The following SAMD12 variants were observed in gnomAD, a reference collection of about 807,000 sequenced individuals.
The protein encoded by SAMD12 is sterile alpha motif domain-containing protein 12.
In SAMD12, 9 loss-of-function variants were observed where a neutral mutation model predicts 15.0. The observed-to-expected ratio is 0.60, with a 90% CI of 0.36 to 1.05. The LOEUF (loss-of-function observed/expected upper bound fraction) is 1.05. Ranked by LOEUF, SAMD12 falls within the 50% of genes least tolerant of loss-of-function variation. The pLI is 0.01. For missense variants in SAMD12, 230 were observed against 234.2 expected (o/e 0.98, Z 0.12); for synonymous variants, 86 against 90.1 (o/e 0.96, Z 0.25).
intron 4 of SAMD12, among the ~76,000 whole-genome samples, chr8:118,277,435 G>C (rs1813501012): frequency 6.6e-6 from 1 of 152,090 alleles, no homozygotes; most frequent in African/African-American, 2.4e-5. Flanking sequence ...AGGGTTTTCT[G>C]TAAACGTCTT....
intron 2 of SAMD12, among the ~76,000 whole-genome samples, chr8:118,449,577 C>T (rs1384455459): frequency 6.6e-6 from 1 of 151,410 alleles, no homozygotes; most frequent in Admixed American, 6.6e-5. Flanking sequence ...TTTGGAAGGC[C>T]GAGGCAGGCA....
At chr8:118,421,828 G>A (rs922016819) in intron 3 of SAMD12, among the ~76,000 whole-genome samples, 3 of 152,226 alleles carry the variant, frequency 2.0e-5, no homozygotes, top group African/African-American at 4.8e-5. Context: ...AACATCCTGG[G>A]AAGAACTGCT....
intron 4 of SAMD12, among the ~76,000 whole-genome samples, chr8:118,243,134 G>C (rs1812610710): frequency 6.6e-6 from 1 of 152,152 alleles, no homozygotes; most frequent in African/African-American, 2.4e-5. Flanking sequence ...CCTTGAGCTA[G>C]ATGTACACAT....
At chr8:118,309,266 C>A (rs984663430) in intron 4 of SAMD12, among the ~76,000 whole-genome samples, 6 of 152,086 alleles carry the variant, frequency 3.9e-5, no homozygotes, top group Non-Finnish European at 7.3e-5. Flanking sequence ...TCCTGAGTTA[C>A]TTCACTTAGA....
chr8:118,288,768 A>G (rs1429397999), intron 4 of SAMD12, among the ~76,000 whole-genome samples: 1 of 152,242 alleles, frequency 6.6e-6, no homozygotes, highest in Non-Finnish European at 1.5e-5. Flanking sequence ...ACAGCATTCA[A>G]TAGCAGCTTT....
At chr8:118,292,529 G>A (rs1214927294) in intron 4 of SAMD12, among the ~76,000 whole-genome samples, 1 of 151,974 alleles carries the variant, frequency 6.6e-6, no homozygotes. Context: ...AATACCATTT[G>A]ACCCAACCAT....
At chr8:118,244,899 G>T (rs1192266019) in intron 4 of SAMD12, among the ~76,000 whole-genome samples, 1 of 152,068 alleles carries the variant, frequency 6.6e-6, no homozygotes. Context: ...TTATAAACAG[G>T]GATGTCCAAG....
intron 2 of SAMD12, among the ~76,000 whole-genome samples, chr8:118,577,460 T>C (rs1162596457): frequency 6.6e-6 from 1 of 152,188 alleles, no homozygotes; most frequent in Non-Finnish European, 1.5e-5. Context: ...TAGCATTGCC[T>C]GTTAAAGATA....
At chr8:118,216,178 C>T (rs1223494161) in intron 4 of SAMD12, among the ~76,000 whole-genome samples, 1 of 149,650 alleles carries the variant, frequency 6.7e-6, no homozygotes, top group Non-Finnish European at 1.5e-5. Flanking sequence ...GAGATGGTAT[C>T]TCATTGTGGT....
At chr8:118,200,296 G>T (rs2129769685) in intron 4 of SAMD12, among the ~76,000 whole-genome samples, 1 of 151,762 alleles carries the variant, frequency 6.6e-6, no homozygotes, top group Non-Finnish European at 1.5e-5. Context: ...AGGAGTGATA[G>T]GGAGGAACAT....
At chr8:118,532,993 T>C (rs1825732240) in intron 2 of SAMD12, among the ~76,000 whole-genome samples, 1 of 152,190 alleles carries the variant, frequency 6.6e-6, no homozygotes, top group South Asian at 2.1e-4. Flanking sequence ...TTTGAATGTG[T>C]TTGCTCTTGT....
At chr8:118,457,462 C>T (rs1823293020) in intron 2 of SAMD12, among the ~76,000 whole-genome samples, 1 of 151,718 alleles carries the variant, frequency 6.6e-6, no homozygotes, top group South Asian at 2.1e-4. Flanking sequence ...AACTCCTGGT[C>T]TGAAGCAATC....
intron 2 of SAMD12, among the ~76,000 whole-genome samples, chr8:118,503,299 A>G (rs1212574323): frequency 4.6e-5 from 7 of 152,210 alleles, no homozygotes; most frequent in African/African-American, 1.7e-4. Flanking sequence ...TCCTACCAGT[A>G]GTGCATTATG....
rs114867950 is a variant in SAMD12 at position 118,520,405 on chromosome 8, C to G, written c.192+60310G>C. 5.5e-3 allele frequency among the ~76,000 whole-genome samples: 838 copies of G among 152,238 alleles called. 7 individuals carry two copies. Among genetic ancestry groups the G allele is most frequent in the African/African-American group, 0.019 (784 of 41,544 alleles). On this transcript the variant is annotated intron_variant, in intron 2 of 3. Transcript: ENST00000314727. ...GAGATACTTGAAAACATAGCCATTACTTCTGTCAGGGGAAAAATCACTTTC... is the reference window on the plus strand; with the variant it reads ...GAGATACTTGAAAACATAGCCATTAGTTCTGTCAGGGGAAAAATCACTTTC...
At position 118,190,929 on chromosome 8, in the gene SAMD12, A is replaced by C. The variant is rs1436994670; in HGVS notation, c.*6781T>G. Reference sequence around the variant, plus strand: ...ATAACTCAAGTATATAAACCACAACAGATCGATATTTTCTTTTCTCAGGTG... The same window carrying C: ...ATAACTCAAGTATATAAACCACAACCGATCGATATTTTCTTTTCTCAGGTG... On this transcript the variant is annotated 3_prime_UTR_variant, in exon 5 of 5. Transcript: ENST00000409003. 2.0e-5 allele frequency: 3 copies of C among 152,184 alleles called. No individual in the cohort carries two copies. In the East Asian group the frequency reaches 5.8e-4, roughly 29 times the overall value. The allele number at this position is 152,184 out of a possible 1,614,324, so 9.4% of individuals were successfully genotyped here.
chr8:118,162,729 A>G, the SAMD12 span, among the ~76,000 whole-genome samples: 1 of 152,204 alleles, frequency 6.6e-6, no homozygotes, highest in Admixed American at 6.5e-5. Flanking sequence ...AACTTTGAGG[A>G]ATGTCTACAA....
chr8:118,264,510 C>T (rs1237887740), intron 4 of SAMD12, among the ~76,000 whole-genome samples: 1 of 152,122 alleles, frequency 6.6e-6, no homozygotes, highest in African/African-American at 2.4e-5. Context: ...TTCTCTAAAG[C>T]TGGCTGGGAA....
chr8:118,461,013 A>G (rs1189208415), intron 2 of SAMD12, among the ~76,000 whole-genome samples: 1 of 152,178 alleles, frequency 6.6e-6, no homozygotes, highest in African/African-American at 2.4e-5. Flanking sequence ...TTAGGATGTC[A>G]CTTCCACCTT....
chr8:118,334,076 T>A (rs2130512563), intron 4 of SAMD12, among the ~76,000 whole-genome samples: 1 of 152,286 alleles, frequency 6.6e-6, no homozygotes, highest in East Asian at 1.9e-4. Flanking sequence ...ACAGCACATC[T>A]TCTGCAAAGC....
Sources: gnomAD v4.1 joint callset for allele counts (sites outside exome capture counted in the v4.1 genomes callset) on GRCh38, gnomAD v4.1.1 for gene constraint, MANE v1.5 for transcripts, NCBI Gene and HGNC (gene_info 2026-07-23, HGNC 2026-07-21) for gene names.